The following WDR7 variants were observed in gnomAD, a reference collection of about 807,000 sequenced individuals.
WDR7 encodes the protein WD repeat domain 7.
Under a neutral mutation model 169.4 loss-of-function variants are expected in WDR7, and 46 were observed. That is an observed-to-expected ratio of 0.27 (90% confidence interval 0.21 to 0.35). The LOEUF is 0.35. WDR7 is among the 10% of genes least tolerant of loss of function. The pLI is 1.00. For synonymous variants in WDR7, 612 were observed against 666.8 expected (o/e 0.92, Z 1.27); for missense variants, 1,534 against 1,859.3 (o/e 0.83, Z 3.22).
chr18:56,863,024 A>G (rs1421174819), intron 20 of WDR7, among the ~76,000 whole-genome samples: 1 of 151,860 alleles, frequency 6.6e-6, no homozygotes, highest in Admixed American at 6.6e-5. Flanking sequence ...AGTTTCACCT[A>G]TACCCAGTGA....
chr18:56,758,056 A>G (rs2144949496), intron 15 of WDR7, among the ~76,000 whole-genome samples: 1 of 152,260 alleles, frequency 6.6e-6, no homozygotes, highest in Middle Eastern at 3.4e-3. Flanking sequence ...TGGCTTCAGA[A>G]TTTTGTGAGA....
At chr18:56,972,052 G>A (rs1325651006) in intron 26 of WDR7, among the ~76,000 whole-genome samples, 1 of 152,116 alleles carries the variant, frequency 6.6e-6, no homozygotes, top group Non-Finnish European at 1.5e-5. Flanking sequence ...ATATTTTGGG[G>A]GAAAGGGGAC....
In WDR7 at chr18:56,747,457, TCTAAG is replaced by T. The variant is rs550027303; in HGVS notation, c.1990-9122_1990-9118del. Reference sequence around the variant, plus strand: ...CATTCAGCACATATTGAATGCATACTCTAAGCTAGGCCCCAAGCTACAACCAGCTG... The same window carrying T: ...CATTCAGCACATATTGAATGCATACTCTAGGCCCCAAGCTACAACCAGCTG... On this transcript the variant is annotated intron_variant, in intron 14 of 27. Transcript: ENST00000254442. Among the ~76,000 whole-genome samples, 4 of 152,336 alleles carry T rather than the reference TCTAAG, an allele frequency of 2.6e-5. No individual in the cohort carries two copies. In the South Asian group the frequency reaches 6.2e-4, roughly 24 times the overall value.
intron 20 of WDR7, among the ~76,000 whole-genome samples, chr18:56,842,732 A>G (rs2045505297): frequency 2.0e-5 from 3 of 152,218 alleles, no homozygotes; most frequent in Admixed American, 1.3e-4. Flanking sequence ...GCAAATGCAC[A>G]TAGGAAACTA....
chr18:56,859,548 A>G (rs1164940137), intron 20 of WDR7, among the ~76,000 whole-genome samples: 9 of 152,128 alleles, frequency 5.9e-5, no homozygotes, highest in East Asian at 1.9e-4. Context: ...TTGTATGTCT[A>G]TGTGTTCGCC....
At chr18:56,835,201 C>G (rs2045377462) in intron 20 of WDR7, among the ~76,000 whole-genome samples, 1 of 152,160 alleles carries the variant, frequency 6.6e-6, no homozygotes. Flanking sequence ...ATAGAGACAT[C>G]TTTAGAATAT....
At chr18:56,765,173 G>T (rs928260712) in intron 16 of WDR7, among the ~76,000 whole-genome samples, 2 of 151,916 alleles carry the variant, frequency 1.3e-5, no homozygotes, top group Non-Finnish European at 2.9e-5. Context: ...CATATAGTGG[G>T]TCTTATTTTT....
intron 20 of WDR7, among the ~76,000 whole-genome samples, chr18:56,819,238 T>C (rs1385698583): frequency 1.3e-5 from 2 of 152,184 alleles, no homozygotes; most frequent in African/African-American, 4.8e-5. Context: ...GTGTTGGCTA[T>C]GATCAATTGG....
chr18:57,012,239 C>T (rs1237418809), intron 26 of WDR7, among the ~76,000 whole-genome samples: 3 of 152,172 alleles, frequency 2.0e-5, no homozygotes, highest in African/African-American at 7.2e-5. Context: ...GACCCTGCCT[C>T]ACCCCACACG....
chr18:56,746,955 C>G (rs560866218), intron 14 of WDR7, among the ~76,000 whole-genome samples: 1 of 152,144 alleles, frequency 6.6e-6, no homozygotes, highest in Non-Finnish European at 1.5e-5. Flanking sequence ...GAGAATTACC[C>G]CTGCTCAAAA....
At chr18:56,911,927 A>G (rs2046557479) in intron 21 of WDR7, among the ~76,000 whole-genome samples, 1 of 152,208 alleles carries the variant, frequency 6.6e-6, no homozygotes, top group African/African-American at 2.4e-5. Flanking sequence ...ACTTTTTAAT[A>G]ATACTTTAAT....
At chr18:56,730,650 C>CA (rs1316144290) in intron 13 of WDR7, among the ~76,000 whole-genome samples, 1 of 152,034 alleles carries the variant, frequency 6.6e-6, no homozygotes, top group Non-Finnish European at 1.5e-5. Context: ...CCTGTGGTCC[C>CA]AGCTACTCGG....
At chr18:56,863,385 G>A (rs1394224747) in intron 20 of WDR7, among the ~76,000 whole-genome samples, 1 of 151,632 alleles carries the variant, frequency 6.6e-6, no homozygotes, top group Non-Finnish European at 1.5e-5. Flanking sequence ...TGAAATTCTT[G>A]TTACAGAATT....
At chr18:56,896,658 A>T (rs2046336220) in intron 21 of WDR7, among the ~76,000 whole-genome samples, 3 of 151,894 alleles carry the variant, frequency 2.0e-5, no homozygotes, top group African/African-American at 7.2e-5. Context: ...ATGAAATTGG[A>T]TCACCTAATG....
intron 13 of WDR7, among the ~76,000 whole-genome samples, chr18:56,723,545 T>C (rs371484470): frequency 2.4e-4 from 37 of 152,232 alleles, no homozygotes; most frequent in African/African-American, 8.4e-4. Context: ...GTCTTCTGGG[T>C]TGCATTATTT....
intron 9 of WDR7, among the ~76,000 whole-genome samples, chr18:56,692,037 A>G (rs1242665928): frequency 6.6e-6 from 1 of 152,220 alleles, no homozygotes; most frequent in African/African-American, 2.4e-5. Context: ...TTCTAAGAGT[A>G]CAAGTGATCT....
chr18:56,700,459 G>A (rs960485320), intron 12 of WDR7, among the ~76,000 whole-genome samples: 13 of 151,194 alleles, frequency 8.6e-5, no homozygotes, highest in African/African-American at 1.2e-4. Flanking sequence ...GTTTCACCAT[G>A]TTGGCCAGGA....
intron 20 of WDR7, among the ~76,000 whole-genome samples, chr18:56,825,085 T>C (rs538889254): frequency 6.6e-6 from 1 of 152,344 alleles, no homozygotes; most frequent in East Asian, 1.9e-4. Context: ...AATCCCTATT[T>C]GGTTGCTGCC....
chr18:56,782,692 A>G (rs1346779950), intron 19 of WDR7, among the ~76,000 whole-genome samples: 2 of 152,166 alleles, frequency 1.3e-5, no homozygotes, highest in African/African-American at 4.8e-5. Flanking sequence ...ACATGTCAAG[A>G]TGGACAGTAC....
Sources: allele counts gnomAD v4.1 joint callset (sites outside exome capture counted in the v4.1 genomes callset), GRCh38; gene constraint gnomAD v4.1.1; transcripts MANE v1.5; gene names NCBI Gene and HGNC (gene_info 2026-07-23, HGNC 2026-07-21).